Variants in PDE5A observed in about 807,000 individuals in gnomAD.
PDE5A encodes cGMP-specific 3',5'-cyclic phosphodiesterase.
A neutral mutation model predicts 110.2 loss-of-function variants in PDE5A; 67 were observed. The ratio of observed to expected loss-of-function variants is 0.61; its 90% CI spans 0.50 to 0.75. The LOEUF (loss-of-function observed/expected upper bound fraction) is 0.75, where lower values mean the gene tolerates loss of function less well. Ranked by LOEUF, PDE5A falls within the 30% of genes least tolerant of loss-of-function variation. The probability of loss-of-function intolerance (pLI) is 0.00; values close to 1 mark genes in which losing one functional copy is unlikely to be tolerated. For synonymous variants in PDE5A, 328 were observed against 351.2 expected, an observed-to-expected ratio of 0.93 and a Z score of 0.74; for missense variants, 862 against 1,045.1, an observed-to-expected ratio of 0.82 and a Z score of 2.42.
intron 3 of PDE5A, among the ~76,000 whole-genome samples, chr4:119,581,507 A>G (rs1008164809): frequency 6.6e-6 from 1 of 152,204 alleles, no homozygotes; most frequent in African/African-American, 2.4e-5. Context: ...ATAGTTTATT[A>G]TGTTCTCATA....
chr4:119,578,479 C>T (rs1300506240), intron 3 of PDE5A, among the ~76,000 whole-genome samples: 2 of 152,112 alleles, frequency 1.3e-5, no homozygotes, highest in African/African-American at 4.8e-5. Flanking sequence ...GGTACTGGTA[C>T]CAAAATAGAG....
intron 1 of PDE5A, among the ~76,000 whole-genome samples, chr4:119,626,129 G>A (rs1007953306): frequency 1.4e-4 from 21 of 152,152 alleles, no homozygotes; most frequent in East Asian, 9.6e-4. Context: ...AACATCAACT[G>A]TAATTTAAAA....
chr4:119,507,541 AAAAGTTTG>A (rs1725595871), intron 16 of PDE5A, 55 bp downstream of exon 16: 1 of 1,121,652 alleles, frequency 8.9e-7, no homozygotes, highest in African/African-American at 1.6e-5. Context: ...TATGGATGTC[AAAAGTTTG>A]AAACAATGAA....
intron 11 of PDE5A, among the ~76,000 whole-genome samples, chr4:119,536,925 T>G (rs551576626): frequency 1.6e-4 from 24 of 152,288 alleles, no homozygotes; most frequent in African/African-American, 5.8e-4. Context: ...ATCATTTAGG[T>G]TGTGGATTCA....
Position 119,628,765 on chromosome 4 carries a change from C to A in PDE5A, c.-94G>T, listed in dbSNP as rs1342526966. On this transcript the variant is annotated 5_prime_UTR_variant, in exon 1 of 21. Coordinates refer to ENST00000354960, the MANE Select transcript of PDE5A (RefSeq NM_001083.4). ...GAAGAACAGGACTCGGCCTCGAGACCCTCCCCCTTCGTCCTGCTCCAGTCG... is the reference window on the plus strand; with the variant it reads ...GAAGAACAGGACTCGGCCTCGAGACACTCCCCCTTCGTCCTGCTCCAGTCG... 6.6e-7 allele frequency: 1 copy of A among 1,523,544 alleles called. No individual in the cohort carries two copies. 94.4% of individuals were successfully genotyped at this position (1,523,544 alleles called of 1,614,324 possible). A position where few individuals can be genotyped will look rare whatever the true frequency, so the allele number is the denominator to read the frequency against.
chr4:119,607,116 G>A lies in PDE5A; in HGVS notation c.334C>T (p.Pro112Ser). 6.2e-7 allele frequency: 1 copy of A among 1,614,130 alleles called. No individual in the cohort carries two copies. Among genetic ancestry groups the A allele is most frequent in the Non-Finnish European group, 8.5e-7 (1 of 1,180,016 alleles). Residue 112 changes from proline to serine, a missense_variant, in exon 2 of 21, where the codon CCC becomes TCC. Transcript: ENST00000354960. ...SASEFDRPLR[P>S]IVVKDSEGTV... ...CCCTCAGAATCCTTGACAACAATGGGTCTAAGAGGCCGGTCAAATTCAGAG... is the reference window on the plus strand; with the variant it reads ...CCCTCAGAATCCTTGACAACAATGGATCTAAGAGGCCGGTCAAATTCAGAG...
chr4:119,502,750 C>G (rs1055150491), intron 18 of PDE5A, 95 bp from the exon 19 acceptor site: 13 of 759,654 alleles, frequency 1.7e-5, no homozygotes, highest in Admixed American at 1.6e-4. Context: ...AGCTGTATAT[C>G]TCCATTTTAT....
At chr4:119,579,659 G>A (rs1437490584) in intron 3 of PDE5A, among the ~76,000 whole-genome samples, 1 of 150,958 alleles carries the variant, frequency 6.6e-6, no homozygotes, top group Non-Finnish European at 1.5e-5. Flanking sequence ...ATGGACACAG[G>A]AAGGGGAACA....
intron 10 of PDE5A, among the ~76,000 whole-genome samples, chr4:119,540,261 T>C (rs1726880231): frequency 6.6e-6 from 1 of 152,146 alleles, no homozygotes; most frequent in Non-Finnish European, 1.5e-5. Flanking sequence ...CAAACCAGTA[T>C]TTCTTGAACC....
chr4:119,530,067 T>G (rs773078403), intron 11 of PDE5A, among the ~76,000 whole-genome samples: 2 of 152,136 alleles, frequency 1.3e-5, no homozygotes, highest in African/African-American at 2.4e-5. Context: ...TGAGAACCAC[T>G]GCATTAGGGA....
chr4:119,502,688 G>A (rs971834515), intron 18 of PDE5A, 33 bp from the exon 19 acceptor site: 1 of 1,351,974 alleles, frequency 7.4e-7, no homozygotes, highest in Non-Finnish European at 1.1e-6. Context: ...TTTTGACAAT[G>A]AAAAGCATAT....
chr4:119,608,112 TA>T (rs1057127071), intron 1 of PDE5A, among the ~76,000 whole-genome samples: 1 of 152,190 alleles, frequency 6.6e-6, no homozygotes, highest in African/African-American at 2.4e-5. Context: ...AAGAAACAAA[TA>T]ATTTAATCTT....
At chr4:119,528,093 T>C (rs1174571385) in intron 11 of PDE5A, among the ~76,000 whole-genome samples, 4 of 152,048 alleles carry the variant, frequency 2.6e-5, no homozygotes, top group Admixed American at 2.6e-4. Flanking sequence ...GGGTTAAAGA[T>C]TCAATCTGAC....
chr4:119,614,097 C>T (rs1729850212), intron 1 of PDE5A, among the ~76,000 whole-genome samples: 1 of 151,806 alleles, frequency 6.6e-6, no homozygotes, highest in South Asian at 2.1e-4. Flanking sequence ...GGACCACACA[C>T]TGTTTTCTTA....
At position 119,627,098 on chromosome 4, in the gene PDE5A, C is replaced by T; in HGVS notation, c.152+1422G>A. On this transcript the variant is annotated intron_variant, in intron 1 of 20. Transcript: ENST00000354960. This position sits in a 1 kb window ranked among gnomAD's most constrained non-coding sequence, Gnocchi z 4.6. Reference sequence around the variant, plus strand: ...CCACCACCCAGCACCCGAGACCCGCCGCGCCCCCGGAAAAAGTGGGAAGGG... The same window carrying T: ...CCACCACCCAGCACCCGAGACCCGCTGCGCCCCCGGAAAAAGTGGGAAGGG... The T allele has an allele frequency of 6.2e-7, 1 of 1,606,728 alleles. No individual in the cohort carries two copies. The highest frequency in any genetic ancestry group is 8.5e-7 in the Non-Finnish European group (1 of 1,175,914).
At position 119,519,167 on chromosome 4, in the gene PDE5A, G is replaced by A. The variant is rs924531686; in HGVS notation, c.1906-28C>T. 2.6e-6 allele frequency: 4 copies of A among 1,524,130 alleles called. No individual in the cohort carries two copies. In the African/African-American group the frequency reaches 5.5e-5, roughly 21 times the overall value. 94.4% of individuals were successfully genotyped at this position (1,524,130 alleles called of 1,614,324 possible). On this transcript the variant is annotated intron_variant, in intron 13 of 20. Coordinates refer to ENST00000354960, the MANE Select transcript of PDE5A (RefSeq NM_001083.4). ...GCATGACCAAAGACATTGGAGGAAA[G>A]AGAGAACAAATATAATGTGGTGAAG...
intron 15 of PDE5A, among the ~76,000 whole-genome samples, chr4:119,510,289 C>T (rs183197425): frequency 6.6e-6 from 1 of 152,072 alleles, no homozygotes; most frequent in East Asian, 1.9e-4. Context: ...GAATTTTTTT[C>T]CAGGGCTCAG....
At chr4:119,581,081 T>TAGAGA (rs1484101685) in intron 3 of PDE5A, among the ~76,000 whole-genome samples, 33 of 152,350 alleles carry the variant, frequency 2.2e-4, no homozygotes, top group African/African-American at 7.7e-4. Flanking sequence ...CCTGTACTTA[T>TAGAGA]TATGAGTCCA....
At chr4:119,520,410 G>C (rs1248908492) in intron 13 of PDE5A, among the ~76,000 whole-genome samples, 1 of 152,022 alleles carries the variant, frequency 6.6e-6, no homozygotes, top group African/African-American at 2.4e-5. Context: ...TTTCTGCATT[G>C]ATCTTCCTTT....
Sources: allele counts gnomAD v4.1 joint callset (sites outside exome capture counted in the v4.1 genomes callset), GRCh38; gene constraint gnomAD v4.1.1; non-coding constraint Gnocchi (gnomAD v3.1); transcripts MANE v1.5; gene names NCBI Gene and HGNC (gene_info 2026-07-23, HGNC 2026-07-21).